USP34: variants seen among roughly 807,000 people sequenced by gnomAD.
USP34 encodes the protein ubiquitin carboxyl-terminal hydrolase 34.
A neutral mutation model predicts 460.3 loss-of-function variants in USP34; 70 were observed. The observed-to-expected ratio is 0.15, with a 90% CI of 0.13 to 0.19. The LOEUF is 0.19. USP34 is among the 10% of genes least tolerant of loss of function. USP34 has a pLI of 1.00. For synonymous variants in USP34, 1,647 were observed against 1,405.3 expected, an observed-to-expected ratio of 1.17 and a Z score of -3.85; for missense variants, 3,985 against 4,236.2, an observed-to-expected ratio of 0.94 and a Z score of 1.65.
chr2:61,305,824 A>C (rs1172165476), intron 27 of USP34, among the ~76,000 whole-genome samples: 1 of 152,138 alleles, frequency 6.6e-6, no homozygotes, highest in Non-Finnish European at 1.5e-5. Flanking sequence ...GATAAGGAAA[A>C]CCACCAATTC....
chr2:61,243,346 C>A (rs1285407362), intron 51 of USP34, among the ~76,000 whole-genome samples: 1 of 151,942 alleles, frequency 6.6e-6, no homozygotes, highest in Non-Finnish European at 1.5e-5. Context: ...GGGGTTTCCC[C>A]ACATTGGCCA....
intron 69 of USP34, among the ~76,000 whole-genome samples, chr2:61,211,547 TATAC>T (rs1425099371): frequency 6.6e-6 from 1 of 152,204 alleles, no homozygotes; most frequent in Non-Finnish European, 1.5e-5. Flanking sequence ...GGTAGAAGGC[TATAC>T]ATAAAGGTTC....
chr2:61,362,789 T>TA (rs1004909937), intron 10 of USP34, among the ~76,000 whole-genome samples: 1 of 152,192 alleles, frequency 6.6e-6, no homozygotes, highest in Non-Finnish European at 1.5e-5. Context: ...AGGTAATAGA[T>TA]ATGTGAATTA....
intron 2 of USP34, among the ~76,000 whole-genome samples, chr2:61,417,779 A>G (rs1186661977): frequency 9.4e-6 from 1 of 106,766 alleles, no homozygotes; most frequent in East Asian, 2.6e-4. Flanking sequence ...GTCTTGCTCT[A>G]TCCCCAGGCT....
intron 10 of USP34, among the ~76,000 whole-genome samples, chr2:61,368,822 A>C (rs116724916): frequency 2.1e-4 from 32 of 152,288 alleles, no homozygotes; most frequent in Middle Eastern, 3.4e-3. Flanking sequence ...ACCAAGATAC[A>C]AAATCTACAG....
intron 68 of USP34, among the ~76,000 whole-genome samples, chr2:61,212,468 A>G (rs1255929369): frequency 6.6e-6 from 1 of 152,248 alleles, no homozygotes; most frequent in Non-Finnish European, 1.5e-5. Context: ...TTAAATTAAT[A>G]GTGTATATGA....
chr2:61,239,833 C>T (rs1235511611), intron 53 of USP34, among the ~76,000 whole-genome samples: 1 of 151,814 alleles, frequency 6.6e-6, no homozygotes, highest in Non-Finnish European at 1.5e-5. Flanking sequence ...ACAGTGAAAC[C>T]CCTCTCTACT....
At chr2:61,460,011 G>A (rs900272439) in intron 1 of USP34, among the ~76,000 whole-genome samples, 7 of 152,090 alleles carry the variant, frequency 4.6e-5, no homozygotes, top group Non-Finnish European at 1.0e-4. Flanking sequence ...GCAGTGAGCC[G>A]AGATCGCACC....
chr2:61,281,291 G>GTA (rs760522409), intron 37 of USP34, 49 bp from the exon 38 acceptor site: 37 of 1,562,574 alleles, frequency 2.4e-5, no homozygotes, highest in Non-Finnish European at 3.1e-5. Context: ...GTATTACAAA[G>GTA]TTAATATGTT....
intron 10 of USP34, among the ~76,000 whole-genome samples, chr2:61,366,123 A>G (rs1278893125): frequency 6.6e-6 from 1 of 152,208 alleles, no homozygotes; most frequent in Non-Finnish European, 1.5e-5. Flanking sequence ...ACAGGGTTTC[A>G]TCATGTTGGT....
chr2:61,288,544 A>T, intron 34 of USP34, 133 bp downstream of exon 34: 1 of 893,864 alleles, frequency 1.1e-6, no homozygotes, highest in Non-Finnish European at 1.7e-6. Context: ...CTACTGCTTT[A>T]AAACAATGCC....
intron 75 of USP34, chr2:61,194,012 AT>A: frequency 1.6e-6 from 1 of 639,508 alleles, no homozygotes; most frequent in Non-Finnish European, 1.9e-6. Flanking sequence ...TTAAAAAAAA[AT>A]TTAAAAATAT....
chr2:61,419,439 T>C (rs1020792341), intron 2 of USP34, among the ~76,000 whole-genome samples: 2 of 152,078 alleles, frequency 1.3e-5, no homozygotes, highest in Non-Finnish European at 2.9e-5. Flanking sequence ...AAACTGCACA[T>C]ATGAAAATCT....
At chr2:61,396,978 A>T (rs1693549840) in intron 3 of USP34, among the ~76,000 whole-genome samples, 1 of 152,222 alleles carries the variant, frequency 6.6e-6, no homozygotes, top group Non-Finnish European at 1.5e-5. Flanking sequence ...GTAGAATCTT[A>T]CATACAGACA....
In USP34 at chr2:61,470,686, C is replaced by T; in HGVS notation, c.7G>A (p.Glu3Lys). Residue 3 changes from glutamate (E) to lysine (K), a missense_variant, in exon 1 of 80, where the codon GAG (glutamate) becomes AAG (lysine). Physicochemically the swap from Glu to Lys is moderately conservative, Grantham distance 56 (BLOSUM62 1). Around this residue, in one of 14 missense-constraint regions of USP34, gnomAD observed 331 missense variants for 293.7 expected, o/e 1.13. Transcript: ENST00000398571. Reference sequence around the variant, plus strand: ...ACCTCCACCAGGTCTGCGCAGTTCTCGCACATCGTTCGGCCGCCGCCCCCC... The same window carrying T: ...ACCTCCACCAGGTCTGCGCAGTTCTTGCACATCGTTCGGCCGCCGCCCCCC... MC[E>K]NCADLVEVLN... 1 of 1,593,364 alleles carries T rather than the reference C, an allele frequency of 6.3e-7. No individual in the cohort carries two copies.
At chr2:61,260,715 G>A (rs755387719) in intron 43 of USP34, among the ~76,000 whole-genome samples, 2 of 152,096 alleles carry the variant, frequency 1.3e-5, no homozygotes, top group African/African-American at 4.8e-5. Context: ...TGTTATATGA[G>A]AGGCTTAATA....
At chr2:61,357,028 A>G (rs963921864) in intron 10 of USP34, among the ~76,000 whole-genome samples, 2 of 152,234 alleles carry the variant, frequency 1.3e-5, no homozygotes, top group African/African-American at 4.8e-5. Context: ...TCAATATCCA[A>G]TTTTCAATAA....
At chr2:61,362,985 A>C (rs1692320191) in intron 10 of USP34, among the ~76,000 whole-genome samples, 1 of 152,238 alleles carries the variant, frequency 6.6e-6, no homozygotes, top group Non-Finnish European at 1.5e-5. Flanking sequence ...ATTAACATCC[A>C]GAATATTTTT....
intron 56 of USP34, 41 bp downstream of exon 56, chr2:61,235,985 A>G: frequency 1.3e-6 from 2 of 1,598,698 alleles, no homozygotes; most frequent in East Asian, 4.5e-5. Context: ...TATCTGATAA[A>G]AACATAAATG....
Sources: allele counts gnomAD v4.1 joint callset (sites outside exome capture counted in the v4.1 genomes callset), GRCh38; gene constraint gnomAD v4.1.1; regional missense constraint gnomAD v4.1.1; transcripts MANE v1.5; gene names NCBI Gene and HGNC (gene_info 2026-07-23, HGNC 2026-07-21).